The following IL2RA variants were observed in gnomAD, a reference collection of about 807,000 sequenced individuals.
IL2RA encodes interleukin-2 receptor subunit alpha.
In IL2RA, 24 loss-of-function variants were observed where a neutral mutation model predicts 37.8. That is an observed-to-expected ratio of 0.63 (90% CI 0.46 to 0.89). The LOEUF is 0.89. IL2RA is among the 40% of genes least tolerant of loss of function. The pLI, the probability that IL2RA is intolerant of heterozygous loss-of-function variation, is 0.00. For missense variants in IL2RA, 319 were observed against 348.6 expected, an observed-to-expected ratio of 0.92 and a Z score of 0.68; for synonymous variants, 125 against 114.6, an observed-to-expected ratio of 1.09 and a Z score of -0.58.
At chr10:6,030,516 C>T (rs957806944) in intron 1 of IL2RA, among the ~76,000 whole-genome samples, 5 of 151,988 alleles carry the variant, frequency 3.3e-5, no homozygotes, top group Non-Finnish European at 4.4e-5. Context: ...GAAAAAAACC[C>T]GTCAACCTTG....
rs566790361 is a variant in IL2RA, at chr10:6,015,515, C to T, written c.794+2538G>A. 6.6e-6 allele frequency among the ~76,000 whole-genome samples: 1 copy of T among 152,284 alleles called. No homozygotes were observed. The highest frequency in any genetic ancestry group is 2.4e-5 in the African/African-American group (1 of 41,546). On this transcript the variant is annotated intron_variant, in intron 7 of 7. Transcript: ENST00000379959. This position sits in a 1 kb window ranked among gnomAD's most constrained non-coding sequence, Gnocchi z 4.9. ...TTCCTGGACCTAAGCAAGACGACTG[C>T]GTCAGAAACTCCACAGGTGGGACCC...
chr10:6,017,411 A>G (rs1839297927), intron 7 of IL2RA, among the ~76,000 whole-genome samples: 1 of 152,006 alleles, frequency 6.6e-6, no homozygotes, highest in Non-Finnish European at 1.5e-5. Flanking sequence ...CTGCTGTGCC[A>G]TCTTCTCCAA....
At position 6,020,950 on chromosome 10, in the gene IL2RA, T is replaced by C. The variant is rs573893525; in HGVS notation, c.583+528A>G. On this transcript the variant is annotated intron_variant, in intron 4 of 7. Coordinates refer to ENST00000379959, the MANE Select transcript of IL2RA (RefSeq NM_000417.3). This position sits in a 1 kb window ranked among gnomAD's most constrained non-coding sequence, Gnocchi z 5.6. ...ATGAGTATGTGTGTGTGTGTGTGTG[T>C]GTGCGCGCATGTGCACTGAGTAAGT... Among the ~76,000 whole-genome samples the C allele has an allele frequency of 0.021, 3,007 of 142,064 alleles. 45 individuals carry two copies. Among genetic ancestry groups the C allele is most frequent in the Non-Finnish European group, 0.031 (1,978 of 63,442 alleles). 93.2% of individuals were successfully genotyped at this position (142,064 alleles called of 152,430 possible).
chr10:6,029,257 C>A lies in IL2RA; in HGVS notation c.65-3232G>T, dbSNP rs1181600598. Among the ~76,000 whole-genome samples, 1 of 151,362 alleles carries A rather than the reference C, an allele frequency of 6.6e-6. No homozygotes were observed. Among genetic ancestry groups the A allele is most frequent in the Admixed American group, 6.6e-5 (1 of 15,132 alleles). On this transcript the variant is annotated intron_variant, in intron 1 of 7. Coordinates refer to ENST00000379959, the MANE Select transcript of IL2RA (RefSeq NM_000417.3). This position sits in a 1 kb window ranked among gnomAD's most constrained non-coding sequence, Gnocchi z 4.6. ...TTGACTCACTGCAACCTCTGCCCCC[C>A]GGGTTCAAGCGATTCTCCTGCCTCA...
In IL2RA at chr10:6,035,968, T is replaced by C. The variant is rs7911218; in HGVS notation, c.65-9943A>G. On this transcript the variant is annotated intron_variant, in intron 1 of 7. Coordinates refer to ENST00000379959, the MANE Select transcript of IL2RA (RefSeq NM_000417.3). The surrounding 1 kb of genome is among the most constrained non-coding windows in gnomAD (Gnocchi z 5.4). ...TTCTGTATGCAGCTGAAGGGTAACATCCCTTGGGAGCTTTTGCCTTGTCTG... is the reference window on the plus strand; with the variant it reads ...TTCTGTATGCAGCTGAAGGGTAACACCCCTTGGGAGCTTTTGCCTTGTCTG... The C allele has an allele frequency of 1, 151,749 of 152,430 alleles. 75,541 individuals are homozygous for C. Among genetic ancestry groups the C allele is most frequent in the Middle Eastern group, 1 (296 of 296 alleles). 9.4% of individuals were successfully genotyped at this position (152,430 alleles called of 1,614,324 possible). A position where few individuals can be genotyped will look rare whatever the true frequency, so the allele number is the denominator to read the frequency against.
rs1363028750 is a variant in IL2RA, at chr10:6,019,467, T to A, written c.688A>T (p.Met230Leu). The change falls in exon 6 of 8, where the codon ATG becomes TTG. Residue 230 changes from methionine (M) to leucine (L), a missense_variant. Coordinates refer to ENST00000379959, the MANE Select transcript of IL2RA (RefSeq NM_000417.3). ...FQIQTEMAAT[M>L]ETSIFTTEYQ... ...TCTGTTGTAAATATGGACGTCTCCA[T>A]GGTTGCAGCCATTTCTGTCTGTATT... 6.2e-7 allele frequency: 1 copy of A among 1,613,532 alleles called. No homozygotes were observed. The highest frequency in any genetic ancestry group is 1.7e-5 in the Admixed American group (1 of 60,020).
intron 5 of IL2RA, 58 bp downstream of exon 5, chr10:6,019,812 G>T: frequency 1.3e-6 from 2 of 1,502,862 alleles, no homozygotes; most frequent in Non-Finnish European, 1.9e-6. Context: ...CTGGCTCCTG[G>T]TCACCTCTGC....
chr10:6,035,039 G>A lies in IL2RA; in HGVS notation c.65-9014C>T, dbSNP rs1045459650. Among the ~76,000 whole-genome samples the A allele has an allele frequency of 3.3e-5, 5 of 152,324 alleles. No individual in the cohort carries two copies. In the East Asian group the frequency reaches 7.7e-4, roughly 23 times the overall value. ...TGATCAATTCGGGAGTTGGAGGTGG[G>A]GGTGTAGGGTGGTAAACACTCAAGG... On this transcript the variant is annotated intron_variant, in intron 1 of 7. Coordinates refer to ENST00000379959, the MANE Select transcript of IL2RA (RefSeq NM_000417.3). The surrounding 1 kb of genome is among the most constrained non-coding windows in gnomAD (Gnocchi z 5.4).
At chr10:6,039,547 TG>T (rs1839738971) in intron 1 of IL2RA, 1 of 152,024 alleles carries the variant, frequency 6.6e-6, no homozygotes, top group East Asian at 1.9e-4. Flanking sequence ...CAAGCACACA[TG>T]GGACATTTAC....
rs41294687 is a variant in IL2RA at position 6,022,249 on chromosome 10, C to T, written c.368-556G>A. Among the ~76,000 whole-genome samples, 445 of 152,208 alleles carry T rather than the reference C, an allele frequency of 2.9e-3. 2 individuals carry two copies. The highest frequency in any genetic ancestry group is 4.6e-3 in the Non-Finnish European group (315 of 67,996). ...ACAACACCAAAGCCAGGAGGAGGGA[C>T]GGGCTGAGGGAACCTCAGAGAAATG... On this transcript the variant is annotated intron_variant, in intron 3 of 7. Coordinates refer to ENST00000379959, the MANE Select transcript of IL2RA (RefSeq NM_000417.3). The surrounding 1 kb of genome is among the most constrained non-coding windows in gnomAD (Gnocchi z 4.7).
chr10:6,051,205 T>C (rs1839949687), intron 1 of IL2RA, among the ~76,000 whole-genome samples: 1 of 152,146 alleles, frequency 6.6e-6, no homozygotes, highest in Non-Finnish European at 1.5e-5. Flanking sequence ...GGTGCTCAGC[T>C]GGGTTGCAGG....
chr10:6,023,606 G>A (rs1008365475), intron 3 of IL2RA, among the ~76,000 whole-genome samples: 1 of 152,186 alleles, frequency 6.6e-6, no homozygotes, highest in African/African-American at 2.4e-5. Flanking sequence ...ACAGTGCTGG[G>A]ATTACAGGCG....
rs1839249472 is a variant in IL2RA at position 6,014,776 on chromosome 10, C to G, written c.795-1880G>C. On this transcript the variant is annotated intron_variant, in intron 7 of 7. Coordinates refer to ENST00000379959, the MANE Select transcript of IL2RA (RefSeq NM_000417.3). This position sits in a 1 kb window ranked among gnomAD's most constrained non-coding sequence, Gnocchi z 4.4. ...CCGGGTATATGAATCATTCCTGCTA[C>G]AATAACCCTAGGGGGCTTATCATTT... is the stretch of plus-strand genomic sequence containing the variant. 6.6e-6 allele frequency among the ~76,000 whole-genome samples: 1 copy of G among 152,124 alleles called. No individual in the cohort carries two copies. The highest frequency in any genetic ancestry group is 2.1e-4 in the South Asian group (1 of 4,824).
At chr10:6,019,752 G>A (rs1839349806) in intron 5 of IL2RA, 118 bp downstream of exon 5, 2 of 954,568 alleles carry the variant, frequency 2.1e-6, no homozygotes, top group Non-Finnish European at 3.4e-6. Flanking sequence ...GGGAGAGGAG[G>A]CTGCTGTGGG....
At position 6,019,514 on chromosome 10, in the gene IL2RA, T is replaced by C. The variant is rs199659866; in HGVS notation, c.656-15A>G. 4.4e-6 allele frequency: 7 copies of C among 1,593,458 alleles called. No individual in the cohort carries two copies. In the African/African-American group the frequency reaches 9.4e-5, roughly 21 times the overall value. On this transcript the variant is annotated splice_polypyrimidine_tract_variant and intron_variant, in intron 5 of 7. Transcript: ENST00000379959. ...TATTTGAAAATCTGTGAAAAAGAGA[T>C]AAAGAGAGACACTCCTGCTACCGTG...
In IL2RA at chr10:6,020,051, A is replaced by T; in HGVS notation, c.584-110T>A. 1.1e-6 allele frequency: 1 copy of T among 888,334 alleles called. No homozygotes were observed. The highest frequency in any genetic ancestry group is 1.9e-6 in the Non-Finnish European group (1 of 535,436). 55.0% of individuals were successfully genotyped at this position (888,334 alleles called of 1,614,324 possible). A position where few individuals can be genotyped will look rare whatever the true frequency, so the allele number is the denominator to read the frequency against. The stretch of plus-strand genomic sequence containing the variant: ...CCCCAGACACGCCCGAGGAGGCAGG[A>T]ATCCTGGTGTGGGCACTTCGCCAGG... On this transcript the variant is annotated intron_variant, in intron 4 of 7. Coordinates refer to ENST00000379959, the MANE Select transcript of IL2RA (RefSeq NM_000417.3). The surrounding 1 kb of genome is among the most constrained non-coding windows in gnomAD (Gnocchi z 5.6).
rs373976893 is a variant in IL2RA, at chr10:6,061,972, A to G, written c.64+116T>C. The G allele has an allele frequency of 1.9e-4, 164 of 865,000 alleles. No homozygotes were observed. The African/African-American group carries it at 2.4e-3, about 12-fold the overall frequency. 53.6% of individuals were successfully genotyped at this position (865,000 alleles called of 1,614,324 possible). On this transcript the variant is annotated intron_variant, in intron 1 of 7. Transcript: ENST00000379959. ...GGGTCACAGGCAAGAGGTGGAACCCAAGATTCAACTCCCTTCTTGGAACCA... is the reference window on the plus strand; with the variant it reads ...GGGTCACAGGCAAGAGGTGGAACCCGAGATTCAACTCCCTTCTTGGAACCA...
At chr10:6,051,235 C>T (rs1329988663) in intron 1 of IL2RA, among the ~76,000 whole-genome samples, 1 of 152,074 alleles carries the variant, frequency 6.6e-6, no homozygotes, top group African/African-American at 2.4e-5. Context: ...GTTTCATTGT[C>T]GGGGAAGCCA....
rs1212228476 is a variant in IL2RA at position 6,035,566 on chromosome 10, A to T, written c.65-9541T>A. Reference sequence around the variant, plus strand: ...AATAAAAGTACTCTGGACACTGTTAAGGTGAGAAAAGAAAAGAAATCGGGG... The same window carrying T: ...AATAAAAGTACTCTGGACACTGTTATGGTGAGAAAAGAAAAGAAATCGGGG... On this transcript the variant is annotated intron_variant, in intron 1 of 7. Coordinates refer to ENST00000379959, the MANE Select transcript of IL2RA (RefSeq NM_000417.3). The surrounding 1 kb of genome is among the most constrained non-coding windows in gnomAD (Gnocchi z 5.4). Among the ~76,000 whole-genome samples the T allele has an allele frequency of 1.3e-5, 2 of 152,202 alleles. No individual in the cohort carries two copies. Among genetic ancestry groups the T allele is most frequent in the East Asian group, 3.8e-4 (2 of 5,198 alleles).
Sources: allele counts gnomAD v4.1 joint callset (sites outside exome capture counted in the v4.1 genomes callset), GRCh38; gene constraint gnomAD v4.1.1; non-coding constraint Gnocchi (gnomAD v3.1); transcripts MANE v1.5; gene names NCBI Gene and HGNC (gene_info 2026-07-23, HGNC 2026-07-21).